FHIT: variants seen among roughly 807,000 people sequenced by gnomAD.
FHIT encodes bis(5'-adenosyl)-triphosphatase.
FHIT carries 19 observed loss-of-function variants against 17.9 expected under a neutral mutation model. That is an observed-to-expected ratio of 1.06 (90% CI 0.74 to 1.56). FHIT has a LOEUF of 1.56. FHIT is among the 40% of genes most tolerant of loss of function. The pLI, the probability that FHIT is intolerant of heterozygous loss-of-function variation, is 0.00. For synonymous variants in FHIT, 81 were observed against 69.7 expected (o/e 1.16, Z -0.81); for missense variants, 248 against 189.2 (o/e 1.31, Z -1.82).
At chr3:60,029,582 T>C (rs1249555044) in intron 5 of FHIT, among the ~76,000 whole-genome samples, 2 of 152,132 alleles carry the variant, frequency 1.3e-5, no homozygotes, top group African/African-American at 4.8e-5. Context: ...AAGTCAAAGT[T>C]CTCTTTTGTT....
intron 5 of FHIT, among the ~76,000 whole-genome samples, chr3:60,060,509 T>C (rs769199653): frequency 2.0e-5 from 3 of 152,216 alleles, no homozygotes; most frequent in Non-Finnish European, 4.4e-5. Flanking sequence ...ACTTTATGTG[T>C]CAGAAATATT....
At chr3:60,278,777 C>T (rs991405240) in intron 5 of FHIT, among the ~76,000 whole-genome samples, 3 of 151,338 alleles carry the variant, frequency 2.0e-5, no homozygotes, top group Non-Finnish European at 4.4e-5. Flanking sequence ...CTTTCAACAA[C>T]AAAAATAAGG....
chr3:59,973,212 C>T (rs1708264721), intron 7 of FHIT, among the ~76,000 whole-genome samples: 1 of 152,146 alleles, frequency 6.6e-6, no homozygotes, highest in South Asian at 2.1e-4. Flanking sequence ...TGTCTTCCAT[C>T]CTAACCGTAT....
At chr3:59,962,656 G>A (rs768118200) in intron 7 of FHIT, among the ~76,000 whole-genome samples, 1 of 152,180 alleles carries the variant, frequency 6.6e-6, no homozygotes, top group Non-Finnish European at 1.5e-5. Flanking sequence ...CCATTGTTAA[G>A]GAGATATTTA....
chr3:60,271,143 T>C (rs1706848637), intron 5 of FHIT, among the ~76,000 whole-genome samples: 1 of 152,130 alleles, frequency 6.6e-6, no homozygotes, highest in Non-Finnish European at 1.5e-5. Flanking sequence ...CTCACACCTA[T>C]AATCCCAGAA....
chr3:61,188,161 T>A (rs1007132603), intron 2 of FHIT, among the ~76,000 whole-genome samples: 1 of 151,254 alleles, frequency 6.6e-6, no homozygotes, highest in African/African-American at 2.4e-5. Context: ...TTTGAAAAGA[T>A]CAACAAAATT....
chr3:60,013,056 G>A (rs1700202353), intron 6 of FHIT, among the ~76,000 whole-genome samples: 1 of 152,098 alleles, frequency 6.6e-6, no homozygotes, highest in African/African-American at 2.4e-5. Flanking sequence ...AGCATTTGGG[G>A]GAAGTTTAGC....
At chr3:60,075,797 C>A (rs2736763) in intron 5 of FHIT, among the ~76,000 whole-genome samples, 1 of 151,956 alleles carries the variant, frequency 6.6e-6, no homozygotes, top group Non-Finnish European at 1.5e-5. Context: ...GGGTCCTGGT[C>A]CTGAGGCCTG....
chr3:59,947,512 G>A (rs545661318), intron 7 of FHIT, among the ~76,000 whole-genome samples: 1 of 152,174 alleles, frequency 6.6e-6, no homozygotes, highest in South Asian at 2.1e-4. Flanking sequence ...ATTTCATTCA[G>A]TTTAGCTCCG....
Position 60,123,967 on chromosome 3 carries a change from A to ATATATAT in FHIT, c.104-109816_104-109815insATATATA, listed in dbSNP as rs1705378774. On this transcript the variant is annotated intron_variant, in intron 5 of 9. Coordinates refer to ENST00000492590, the MANE Select transcript of FHIT (RefSeq NM_002012.4). ...CTTCCATTAACAGAAATGCACTAAA[A>ATATATAT]ATATATATATATATATATATATATA... Among the ~76,000 whole-genome samples the ATATATAT allele has an allele frequency of 2.2e-3, 61 of 27,788 alleles. 1 individual carries two copies. The highest frequency in any genetic ancestry group is 2.7e-3 in the South Asian group (2 of 742). The allele number at this position is 27,788 out of a possible 152,430, so 18.2% of individuals were successfully genotyped here.
chr3:60,294,969 A>G (rs367797743), intron 5 of FHIT, among the ~76,000 whole-genome samples: 34 of 152,156 alleles, frequency 2.2e-4, no homozygotes, highest in African/African-American at 8.2e-4. Flanking sequence ...GGCCATTATG[A>G]ATAAAGCTGC....
At chr3:60,140,163 T>C (rs1305646994) in intron 5 of FHIT, among the ~76,000 whole-genome samples, 1 of 152,072 alleles carries the variant, frequency 6.6e-6, no homozygotes, top group Non-Finnish European at 1.5e-5. Context: ...AGATTGATAA[T>C]TGTAAGAATA....
chr3:60,539,086 A>G (rs1211840922), intron 4 of FHIT, among the ~76,000 whole-genome samples: 1 of 152,162 alleles, frequency 6.6e-6, no homozygotes, highest in Non-Finnish European at 1.5e-5. Flanking sequence ...AACTCAAACA[A>G]ATTTACAAGA....
chr3:60,408,356 A>G (rs995185203), intron 5 of FHIT, among the ~76,000 whole-genome samples: 1 of 152,062 alleles, frequency 6.6e-6, no homozygotes, highest in Non-Finnish European at 1.5e-5. Flanking sequence ...TGCAACTCCT[A>G]ATCCACATAT....
At chr3:60,814,225 T>C (rs1553736905) in intron 4 of FHIT, among the ~76,000 whole-genome samples, 2 of 152,136 alleles carry the variant, frequency 1.3e-5, no homozygotes, top group African/African-American at 4.8e-5. Flanking sequence ...TCATTTTAGA[T>C]TCAGGGGGTA....
Position 60,388,893 on chromosome 3 carries a change from C to A in FHIT, c.103+147967G>T, listed in dbSNP as rs570518884. ...TGGTACAGAGGGCTCGTAAAGTTAG[C>A]ACAGTGGAGAAGGCAGGTTGCTACT... is the stretch of plus-strand genomic sequence containing the variant. On this transcript the variant is annotated intron_variant, in intron 5 of 9. Coordinates refer to ENST00000492590, the MANE Select transcript of FHIT (RefSeq NM_002012.4). Among the ~76,000 whole-genome samples the A allele has an allele frequency of 7.2e-5, 11 of 152,212 alleles. 1 individual carries two copies. In the South Asian group the frequency reaches 2.3e-3, roughly 32 times the overall value.
intron 3 of FHIT, among the ~76,000 whole-genome samples, chr3:61,005,875 T>C (rs1382553065): frequency 1.3e-5 from 2 of 152,108 alleles, no homozygotes; most frequent in African/African-American, 4.8e-5. Context: ...CAGCAAGTCT[T>C]CTTTTGAGGA....
intron 5 of FHIT, among the ~76,000 whole-genome samples, chr3:60,278,767 C>G (rs1039643206): frequency 3.3e-5 from 5 of 151,870 alleles, no homozygotes; most frequent in Non-Finnish European, 7.4e-5. Flanking sequence ...TTATTTCCAG[C>G]TTTCAACAAC....
At chr3:60,447,574 G>A (rs1196863986) in intron 5 of FHIT, among the ~76,000 whole-genome samples, 2 of 152,066 alleles carry the variant, frequency 1.3e-5, no homozygotes, top group Non-Finnish European at 2.9e-5. Flanking sequence ...ATAAATCAGT[G>A]TTATCATTTG....
Sources: gnomAD v4.1 joint callset for allele counts (sites outside exome capture counted in the v4.1 genomes callset) on GRCh38, gnomAD v4.1.1 for gene constraint, MANE v1.5 for transcripts, NCBI Gene and HGNC (gene_info 2026-07-23, HGNC 2026-07-21) for gene names.